Variants in PCP4 observed in about 807,000 individuals in gnomAD.
PCP4 encodes the protein calmodulin regulator protein PCP4.
Under a neutral mutation model 10.0 loss-of-function variants are expected in PCP4, and 8 were observed. That is an observed-to-expected ratio of 0.80 (90% CI 0.47 to 1.45). PCP4 has a LOEUF of 1.45. PCP4 is among the 40% of genes most tolerant of loss of function. The pLI, the probability that PCP4 is intolerant of heterozygous loss-of-function variation, is 0.00. For synonymous variants in PCP4, 21 were observed against 23.0 expected (o/e 0.91, Z 0.24); for missense variants, 54 against 74.4 (o/e 0.73, Z 1.01).
At chr21:39,870,087 C>T (rs1260306123) in intron 1 of PCP4, among the ~76,000 whole-genome samples, 1 of 152,244 alleles carries the variant, frequency 6.6e-6, no homozygotes, top group Admixed American at 6.5e-5. Flanking sequence ...TCCCCGGGGC[C>T]TGCTCTGCAC....
At chr21:39,888,446 G>A (rs2146331902) in intron 1 of PCP4, among the ~76,000 whole-genome samples, 1 of 152,322 alleles carries the variant, frequency 6.6e-6, no homozygotes, top group Admixed American at 6.5e-5. Context: ...CGTGGCTGCT[G>A]GGTCCAGGCT....
At chr21:39,902,068 T>C (rs1448460669) in intron 2 of PCP4, among the ~76,000 whole-genome samples, 2 of 152,230 alleles carry the variant, frequency 1.3e-5, no homozygotes, top group Admixed American at 6.5e-5. Flanking sequence ...ATGATTTTAT[T>C]CTGTCATTAT....
At chr21:39,886,271 T>A (rs1443056700) in intron 1 of PCP4, among the ~76,000 whole-genome samples, 1 of 152,056 alleles carries the variant, frequency 6.6e-6, no homozygotes, top group South Asian at 2.1e-4. Flanking sequence ...GAACCTTCTA[T>A]GATATTAATT....
At chr21:39,867,843 C>A (rs568219762) in intron 1 of PCP4, among the ~76,000 whole-genome samples, 2 of 152,196 alleles carry the variant, frequency 1.3e-5, no homozygotes, top group East Asian at 3.9e-4. Flanking sequence ...TTGCATGATT[C>A]CCGCGGTGAT....
intron 2 of PCP4, among the ~76,000 whole-genome samples, chr21:39,907,013 T>C (rs2087514670): frequency 1.3e-5 from 2 of 152,148 alleles, no homozygotes; most frequent in Admixed American, 1.3e-4. Context: ...GCAGGCAGTT[T>C]TTCAGAAGCA....
intron 2 of PCP4, among the ~76,000 whole-genome samples, chr21:39,903,595 G>A (rs1030135234): frequency 2.0e-5 from 3 of 152,150 alleles, no homozygotes; most frequent in Admixed American, 2.0e-4. Flanking sequence ...TGGGCTGGGC[G>A]CGGTGGCTCA....
intron 2 of PCP4, chr21:39,926,122 A>G: frequency 2.2e-6 from 1 of 454,564 alleles, no homozygotes; most frequent in South Asian, 1.6e-5. Flanking sequence ...CTCTAACAGC[A>G]TCTGACCTTC....
chr21:39,880,102 A>G (rs1388308267), intron 1 of PCP4, among the ~76,000 whole-genome samples: 2 of 148,164 alleles, frequency 1.3e-5, no homozygotes, highest in Admixed American at 6.6e-5. Context: ...GGAGATATCT[A>G]TATCTATCTA....
intron 2 of PCP4, among the ~76,000 whole-genome samples, chr21:39,917,259 GAT>G (rs1376787510): frequency 6.6e-6 from 1 of 152,214 alleles, no homozygotes; most frequent in Non-Finnish European, 1.5e-5. Flanking sequence ...AGGACACTGG[GAT>G]GTCCCCACAG....
At chr21:39,898,639 C>A in intron 2 of PCP4, 112 bp downstream of exon 2, 1 of 780,232 alleles carries the variant, frequency 1.3e-6, no homozygotes, top group Non-Finnish European at 2.2e-6. Context: ...TATGTGTCTG[C>A]GCTTCAGCTT....
chr21:39,917,409 C>T (rs570394792), intron 2 of PCP4, among the ~76,000 whole-genome samples: 9 of 152,300 alleles, frequency 5.9e-5, no homozygotes, highest in East Asian at 1.9e-4. Context: ...CTCACCTGTG[C>T]GGCAGACTTC....
At chr21:39,895,108 C>G (rs1300648002) in intron 1 of PCP4, among the ~76,000 whole-genome samples, 1 of 151,926 alleles carries the variant, frequency 6.6e-6, no homozygotes, top group Non-Finnish European at 1.5e-5. Context: ...TCCATCCACC[C>G]ACTCATCCAT....
At chr21:39,900,393 AC>A (rs2087477414) in intron 2 of PCP4, among the ~76,000 whole-genome samples, 1 of 152,032 alleles carries the variant, frequency 6.6e-6, no homozygotes, top group Non-Finnish European at 1.5e-5. Flanking sequence ...ACCCCAAAGA[AC>A]TTTTGTTTAT....
chr21:39,894,047 A>G (rs576394563), intron 1 of PCP4, among the ~76,000 whole-genome samples: 1 of 152,266 alleles, frequency 6.6e-6, no homozygotes, highest in East Asian at 1.9e-4. Flanking sequence ...AGGGTCCCAA[A>G]CAGGAGCATT....
chr21:39,926,097 G>C, intron 2 of PCP4: 1 of 455,880 alleles, frequency 2.2e-6, no homozygotes, highest in Non-Finnish European at 4.4e-6. Context: ...TCAGCGGAAG[G>C]AGCTCCTGCC....
chr21:39,927,365 CTATCATCTATCT>C (rs767765160), intron 2 of PCP4, among the ~76,000 whole-genome samples: 6 of 138,122 alleles, frequency 4.3e-5, no homozygotes, highest in Admixed American at 7.3e-5. Flanking sequence ...ATCTATCTAT[CTATCATCTATCT>C]ATCTATCTAT....
At chr21:39,918,103 A>C (rs572515623) in intron 2 of PCP4, among the ~76,000 whole-genome samples, 103 of 152,218 alleles carry the variant, frequency 6.8e-4, no homozygotes, top group Non-Finnish European at 9.6e-4. Context: ...TGCTTAAGTG[A>C]CCCCGTGTGT....
intron 1 of PCP4, among the ~76,000 whole-genome samples, chr21:39,897,029 G>T (rs1316389942): frequency 6.6e-6 from 1 of 152,066 alleles, no homozygotes; most frequent in African/African-American, 2.4e-5. Context: ...TCTTGACTCT[G>T]CCACTCATTA....
intron 2 of PCP4, among the ~76,000 whole-genome samples, chr21:39,899,702 A>C (rs565750641): frequency 6.6e-6 from 1 of 152,294 alleles, no homozygotes; most frequent in South Asian, 2.1e-4. Flanking sequence ...GTTTTCCATG[A>C]GGCCAATGGC....
Sources: gnomAD v4.1 joint callset for allele counts (sites outside exome capture counted in the v4.1 genomes callset) on GRCh38, gnomAD v4.1.1 for gene constraint, MANE v1.5 for transcripts, NCBI Gene and HGNC (gene_info 2026-07-23, HGNC 2026-07-21) for gene names.